ABCD3: variants seen among roughly 807,000 people sequenced by gnomAD.
The protein encoded by ABCD3 is ATP-binding cassette sub-family D member 3.
In ABCD3, 41 loss-of-function variants were observed where a neutral mutation model predicts 105.5. The ratio of observed to expected loss-of-function variants is 0.39; its 90% CI spans 0.30 to 0.50. The LOEUF (loss-of-function observed/expected upper bound fraction) is 0.50, where lower values mean the gene tolerates loss of function less well. ABCD3 is among the 20% of genes least tolerant of loss of function. The pLI is 0.84. For missense variants in ABCD3, 622 were observed against 806.3 expected (o/e 0.77, Z 2.77); for synonymous variants, 258 against 269.0 (o/e 0.96, Z 0.40).
At chr1:94,455,016 T>A (rs1647475992) in intron 1 of ABCD3, among the ~76,000 whole-genome samples, 1 of 152,222 alleles carries the variant, frequency 6.6e-6, no homozygotes. Flanking sequence ...TAAATTAATA[T>A]AAGCATATTC....
intron 1 of ABCD3, among the ~76,000 whole-genome samples, chr1:94,429,939 C>T (rs1659609998): frequency 6.6e-6 from 1 of 152,230 alleles, no homozygotes; most frequent in African/African-American, 2.4e-5. Context: ...GGAAAAACTG[C>T]AAACATTCAA....
At chr1:94,418,824 C>A (rs999762514) in intron 1 of ABCD3, 1 of 559,832 alleles carries the variant, frequency 1.8e-6, no homozygotes. Context: ...GCGAATTCTT[C>A]TGTGCCCGCG....
At chr1:94,397,667 T>C in the ABCD3 span, among the ~76,000 whole-genome samples, 1 of 152,288 alleles carries the variant, frequency 6.6e-6, no homozygotes, top group East Asian at 1.9e-4. Flanking sequence ...ATGTGCCAGG[T>C]TTCTCTACTA....
intron 1 of ABCD3, among the ~76,000 whole-genome samples, chr1:94,432,102 A>C (rs1013227716): frequency 1.3e-5 from 2 of 152,190 alleles, no homozygotes; most frequent in Non-Finnish European, 2.9e-5. Context: ...AGGAAACAGG[A>C]ATGTGAGAGG....
At position 94,475,294 on chromosome 1, in the gene ABCD3, G is replaced by A. The variant is rs1648684122; in HGVS notation, c.503+54G>A. 4.2e-6 allele frequency: 5 copies of A among 1,198,662 alleles called. No homozygotes were observed. In the East Asian group the frequency reaches 1.0e-4, roughly 25 times the overall value. 74.3% of individuals were successfully genotyped at this position (1,198,662 alleles called of 1,614,324 possible). A position where few individuals can be genotyped will look rare whatever the true frequency, so the allele number is the denominator to read the frequency against. Reference sequence around the variant, plus strand: ...AATATTTAAATAGAAGAGTATTTATGAAGCTGATCAATATAGCAGTTTTTC... The same window carrying A: ...AATATTTAAATAGAAGAGTATTTATAAAGCTGATCAATATAGCAGTTTTTC... On this transcript the variant is annotated intron_variant, in intron 6 of 22. Coordinates refer to ENST00000370214, the MANE Select transcript of ABCD3 (RefSeq NM_002858.4).
chr1:94,425,990 A>G (rs74329731), intron 1 of ABCD3, among the ~76,000 whole-genome samples: 17 of 152,342 alleles, frequency 1.1e-4, no homozygotes, highest in African/African-American at 3.8e-4. Flanking sequence ...CTCACTCAGC[A>G]GTTAAGTGAG....
At chr1:94,454,931 C>T (rs944360302) in intron 1 of ABCD3, among the ~76,000 whole-genome samples, 10 of 152,152 alleles carry the variant, frequency 6.6e-5, no homozygotes, top group Admixed American at 2.0e-4. Flanking sequence ...GGATTACAGG[C>T]GTGAGCCACC....
At chr1:94,508,326 G>A (rs890731729) in intron 21 of ABCD3, among the ~76,000 whole-genome samples, 3 of 152,026 alleles carry the variant, frequency 2.0e-5, no homozygotes, top group Admixed American at 2.0e-4. Flanking sequence ...ATTTCTGAGG[G>A]CTCTGTTCTG....
chr1:94,464,757 T>C lies in ABCD3; in HGVS notation c.148-18T>C. On this transcript the variant is annotated intron_variant, in intron 2 of 22. Transcript: ENST00000370214. ...TTTGTTATAGCTATCTTAAAAGGGC[T>C]TCTTTTTTTTAATGCAGAAAGAGGG... 1 of 1,600,620 alleles carries C rather than the reference T, an allele frequency of 6.2e-7. No individual in the cohort carries two copies. Among genetic ancestry groups the C allele is most frequent in the Non-Finnish European group, 8.6e-7 (1 of 1,167,586 alleles).
intron 21 of ABCD3, among the ~76,000 whole-genome samples, chr1:94,512,148 C>A (rs899171426): frequency 2.6e-5 from 4 of 151,854 alleles, no homozygotes; most frequent in African/African-American, 9.7e-5. Flanking sequence ...CTTTGGTGAC[C>A]GTGATGTACA....
chr1:94,396,410 G>C, the ABCD3 span, among the ~76,000 whole-genome samples: 1 of 152,044 alleles, frequency 6.6e-6, no homozygotes, highest in Non-Finnish European at 1.5e-5. Flanking sequence ...TCATTTACTA[G>C]GACTCAGACT....
At position 94,504,128 on chromosome 1, in the gene ABCD3, G is replaced by T. The variant is rs181731865; in HGVS notation, c.1741-2410G>T. 5.2e-3 allele frequency among the ~76,000 whole-genome samples: 793 copies of T among 152,010 alleles called. 8 individuals are homozygous for T. The highest frequency in any genetic ancestry group is 0.018 in the African/African-American group (747 of 41,466). ...GGGTTTCACTATGTTGGCCAGGCTTGTCTTGAACTCCTAACCTTGTGATCT... is the reference window on the plus strand; with the variant it reads ...GGGTTTCACTATGTTGGCCAGGCTTTTCTTGAACTCCTAACCTTGTGATCT... On this transcript the variant is annotated intron_variant, in intron 20 of 22. Transcript: ENST00000370214.
At chr1:94,469,585 G>A (rs898047748) in intron 4 of ABCD3, among the ~76,000 whole-genome samples, 18 of 147,178 alleles carry the variant, frequency 1.2e-4, no homozygotes, top group African/African-American at 4.5e-4. Flanking sequence ...AATATGGTCA[G>A]ACACCAACTA....
At chr1:94,430,140 C>A (rs780392929) in intron 1 of ABCD3, among the ~76,000 whole-genome samples, 1 of 152,238 alleles carries the variant, frequency 6.6e-6, no homozygotes, top group Admixed American at 6.5e-5. Context: ...GTGGGGCCTG[C>A]AGCCCCTTTG....
At chr1:94,418,325 G>C (rs1474742568), upstream of ABCD3, 1 of 502,408 alleles carries the variant, frequency 2.0e-6, no homozygotes, top group Non-Finnish European at 3.3e-6. Context: ...TCCAGAGCGC[G>C]GGCGGCGCGG....
chr1:94,477,434 C>G (rs1648814376), intron 7 of ABCD3, among the ~76,000 whole-genome samples: 1 of 151,790 alleles, frequency 6.6e-6, no homozygotes, highest in South Asian at 2.1e-4. Context: ...TCAAGACTAT[C>G]CTGGGCAACA....
At chr1:94,477,981 T>G (rs1161341323) in intron 7 of ABCD3, among the ~76,000 whole-genome samples, 3 of 152,212 alleles carry the variant, frequency 2.0e-5, no homozygotes, top group Non-Finnish European at 4.4e-5. Flanking sequence ...ACAGTAGAGG[T>G]ATCTTAGTTG....
chr1:94,492,594 C>A (rs1315162418), intron 16 of ABCD3, among the ~76,000 whole-genome samples: 1 of 152,168 alleles, frequency 6.6e-6, no homozygotes, highest in Non-Finnish European at 1.5e-5. Flanking sequence ...CCAGGTACTT[C>A]AGTCACTTGA....
chr1:94,513,952 C>T (rs574506052), intron 21 of ABCD3: 2 of 152,130 alleles, frequency 1.3e-5, no homozygotes, highest in South Asian at 4.1e-4. Flanking sequence ...AAACTTATTA[C>T]ACATTAGAAG....
Sources: allele counts gnomAD v4.1 joint callset (sites outside exome capture counted in the v4.1 genomes callset), GRCh38; gene constraint gnomAD v4.1.1; transcripts MANE v1.5; gene names NCBI Gene and HGNC (gene_info 2026-07-23, HGNC 2026-07-21).